Variants in NUDT6 observed in about 807,000 individuals in gnomAD.
NUDT6 encodes the protein FAD diphosphatase NUDT6.
A neutral mutation model predicts 36.8 loss-of-function variants in NUDT6; 24 were observed. The ratio of observed to expected loss-of-function variants is 0.65; its 90% CI spans 0.47 to 0.92. The LOEUF (loss-of-function observed/expected upper bound fraction) is 0.92, where lower values mean the gene tolerates loss of function less well. NUDT6 is among the 40% of genes least tolerant of loss of function. The pLI, the probability that NUDT6 is intolerant of heterozygous loss-of-function variation, is 0.00. For missense variants in NUDT6, 388 were observed against 392.8 expected, an observed-to-expected ratio of 0.99 and a Z score of 0.10; for synonymous variants, 163 against 157.0, an observed-to-expected ratio of 1.04 and a Z score of -0.29.
At chr4:122,917,747 G>T (rs756339342) in intron 1 of NUDT6, 43 bp from the exon 2 acceptor site, 28 of 1,576,262 alleles carry the variant, frequency 1.8e-5, no homozygotes, top group Non-Finnish European at 2.3e-5. Context: ...CCAAAGAGAC[G>T]AGTGGAATAA....
chr4:122,898,078 A>T (rs1322805912), intron 3 of NUDT6: 2 of 164,446 alleles, frequency 1.2e-5, no homozygotes, highest in African/African-American at 4.8e-5. Flanking sequence ...CATCACTAAA[A>T]TATGCTATTT....
chr4:122,907,324 G>A (rs1278650804), intron 3 of NUDT6, among the ~76,000 whole-genome samples: 3 of 151,662 alleles, frequency 2.0e-5, no homozygotes, highest in Non-Finnish European at 4.4e-5. Context: ...AAGTAGAGAT[G>A]GGGTTTCACC....
chr4:122,904,195 T>C lies in NUDT6; in HGVS notation c.499-6517A>G, dbSNP rs1727575343. ...AGGAAGGAGACTGACCATTAGCACC[T>C]AGATGAGAAATTGCATAACAAAACT... On this transcript the variant is annotated intron_variant, in intron 3 of 4. Coordinates refer to ENST00000304430, the MANE Select transcript of NUDT6 (RefSeq NM_007083.5). Among the ~76,000 whole-genome samples the C allele has an allele frequency of 2.0e-5, 3 of 152,142 alleles. No homozygotes were observed. In the South Asian group the frequency reaches 6.2e-4, roughly 32 times the overall value.
rs142897340 is a variant in NUDT6 at position 122,904,234 on chromosome 4, C to T, written c.499-6556G>A. Among the ~76,000 whole-genome samples, 101 of 152,266 alleles carry T rather than the reference C, an allele frequency of 6.6e-4. 3 individuals are homozygous for T. In the East Asian group the frequency reaches 0.014, roughly 21 times the overall value. On this transcript the variant is annotated intron_variant, in intron 3 of 4. Transcript: ENST00000304430. ...CATAACAAAACTTTGTCAGAAGCTACTATGCCTGCATGTTTTCACTAGAAG... is the reference window on the plus strand; with the variant it reads ...CATAACAAAACTTTGTCAGAAGCTATTATGCCTGCATGTTTTCACTAGAAG...
At chr4:122,919,541 G>C (rs1015053672) in intron 1 of NUDT6, 1 of 152,204 alleles carries the variant, frequency 6.6e-6, no homozygotes, top group Non-Finnish European at 1.5e-5. Context: ...CCCCAAACTA[G>C]CTTCATTTAT....
At chr4:122,895,652 G>T (rs1367307747) in intron 4 of NUDT6, 1 of 151,810 alleles carries the variant, frequency 6.6e-6, no homozygotes, top group Non-Finnish European at 1.5e-5. Context: ...ATACTCTTAG[G>T]GTATTATTTT....
intron 1 of NUDT6, chr4:122,921,749 T>C (rs571504864): frequency 1.3e-5 from 2 of 152,166 alleles, no homozygotes; most frequent in South Asian, 4.1e-4. Flanking sequence ...ATATACCCCA[T>C]AAACATACAC....
intron 1 of NUDT6, 139 bp downstream of exon 1, chr4:122,922,196 A>AGCGTTT: frequency 1.6e-6 from 1 of 639,160 alleles, no homozygotes; most frequent in Non-Finnish European, 2.5e-6. Context: ...TCCAGAAAAC[A>AGCGTTT]GGTCCAGGTC....
chr4:122,916,090 T>C (rs1017859673), intron 2 of NUDT6, among the ~76,000 whole-genome samples: 15 of 152,140 alleles, frequency 9.9e-5, no homozygotes, highest in Non-Finnish European at 2.1e-4. Context: ...TTTTGGTCCT[T>C]AAAGGGTAGT....
Position 122,922,541 on chromosome 4 carries a change from C to T in NUDT6, c.32G>A (p.Arg11His), listed in dbSNP as rs1728104032. 18 of 1,602,990 alleles carry T rather than the reference C, an allele frequency of 1.1e-5. No homozygotes were observed. Among genetic ancestry groups the T allele is most frequent in the Non-Finnish European group, 1.4e-5 (17 of 1,177,560 alleles). Reference protein sequence around the residue: MRQPLSWGRWRAMLARTYGPG... With the variant: MRQPLSWGRWHAMLARTYGPG... ...GCCGTAGGTTCGGGCAAGCATCGCGCGCCAGCGGCCCCAGCTCAGTGGCTG... is the reference window on the plus strand; with the variant it reads ...GCCGTAGGTTCGGGCAAGCATCGCGTGCCAGCGGCCCCAGCTCAGTGGCTG... The change falls in exon 1 of 5, where the codon CGC becomes CAC. Residue 11 changes from arginine (R) to histidine (H), a missense_variant. Physicochemically the swap from Arg to His is conservative, Grantham distance 29. Transcript: ENST00000304430.
intron 3 of NUDT6, among the ~76,000 whole-genome samples, chr4:122,899,683 A>AC (rs1453023322): frequency 6.6e-6 from 1 of 152,182 alleles, no homozygotes; most frequent in Non-Finnish European, 1.5e-5. Context: ...AATGCTGGGC[A>AC]CAGTGCCTCA....
intron 1 of NUDT6, chr4:122,922,081 G>A (rs72674962): frequency 0.024 from 9,761 of 402,458 alleles, 172 homozygotes; most frequent in Non-Finnish European, 0.034. Flanking sequence ...TCGCACAGTA[G>A]AAAGTGGACC....
intron 4 of NUDT6, chr4:122,896,082 G>T (rs888035201): frequency 6.6e-6 from 1 of 152,564 alleles, no homozygotes; most frequent in Non-Finnish European, 1.5e-5. Flanking sequence ...AGCTTAGGAA[G>T]TATGGCTAAT....
chr4:122,919,075 T>C (rs55695961), intron 1 of NUDT6: 45,369 of 152,184 alleles, frequency 0.3, 7,275 homozygotes, highest in South Asian at 0.46. Context: ...CCACTCTCAC[T>C]GCTTCAGCTG....
chr4:122,910,728 TAC>T (rs1449161597), intron 3 of NUDT6, among the ~76,000 whole-genome samples: 2 of 152,222 alleles, frequency 1.3e-5, no homozygotes, highest in Admixed American at 1.3e-4. Flanking sequence ...AATTAAGTAT[TAC>T]AATATTTTGT....
intron 3 of NUDT6, among the ~76,000 whole-genome samples, chr4:122,906,046 T>G (rs1727609498): frequency 6.6e-6 from 1 of 152,238 alleles, no homozygotes; most frequent in African/African-American, 2.4e-5. Flanking sequence ...TTCAAAATTC[T>G]TATGTCCATT....
intron 4 of NUDT6, 123 bp downstream of exon 4, chr4:122,897,501 G>C: frequency 1.4e-6 from 1 of 720,500 alleles, no homozygotes; most frequent in East Asian, 2.6e-5. Context: ...TTTCTGAAAT[G>C]TTCAGACTCA....
chr4:122,901,679 T>G (rs534285606), intron 3 of NUDT6, among the ~76,000 whole-genome samples: 1 of 152,336 alleles, frequency 6.6e-6, no homozygotes, highest in Admixed American at 6.5e-5. Flanking sequence ...AAAACCACTA[T>G]TTCTTTGAAA....
intron 3 of NUDT6, among the ~76,000 whole-genome samples, chr4:122,899,122 T>TCCC (rs1228750927): frequency 6.8e-6 from 1 of 147,522 alleles, no homozygotes; most frequent in African/African-American, 2.5e-5. Flanking sequence ...CAGGCTATCC[T>TCCC]CCCACCTGGG....
Sources: allele counts gnomAD v4.1 joint callset (sites outside exome capture counted in the v4.1 genomes callset), GRCh38; gene constraint gnomAD v4.1.1; transcripts MANE v1.5; gene names NCBI Gene and HGNC (gene_info 2026-07-23, HGNC 2026-07-21).